UST: variants seen among roughly 807,000 people sequenced by gnomAD.
UST encodes uronyl 2-sulfotransferase.
Under a neutral mutation model 45.6 loss-of-function variants are expected in UST, and 21 were observed. That is an observed-to-expected ratio of 0.46 (90% CI 0.33 to 0.66). UST has a LOEUF of 0.66. UST is among the 30% of genes least tolerant of loss of function. The pLI, the probability that UST is intolerant of heterozygous loss-of-function variation, is 0.02. For missense variants in UST, 463 were observed against 512.4 expected (o/e 0.90, Z 0.93); for synonymous variants, 215 against 200.6 (o/e 1.07, Z -0.61).
At chr6:148,818,830 A>C (rs1248038255) in intron 1 of UST, among the ~76,000 whole-genome samples, 2 of 152,140 alleles carry the variant, frequency 1.3e-5, no homozygotes, top group Non-Finnish European at 2.9e-5. Flanking sequence ...TTGTGTCTGA[A>C]CTTCATACAC....
chr6:148,958,134 T>C (rs896227267), intron 4 of UST, among the ~76,000 whole-genome samples: 1 of 152,234 alleles, frequency 6.6e-6, no homozygotes, highest in Non-Finnish European at 1.5e-5. Context: ...TTGAGTCATG[T>C]ACAATGCGAT....
chr6:149,006,004 CT>C (rs1775677514), intron 5 of UST, among the ~76,000 whole-genome samples: 1 of 152,204 alleles, frequency 6.6e-6, no homozygotes, highest in Admixed American at 6.5e-5. Context: ...GTCCTTGTAA[CT>C]AACTGAAAAC....
At chr6:148,972,540 C>A (rs1002032020) in intron 5 of UST, among the ~76,000 whole-genome samples, 1 of 152,236 alleles carries the variant, frequency 6.6e-6, no homozygotes, top group African/African-American at 2.4e-5. Flanking sequence ...CTGATGGCTG[C>A]CAAGGCAGGT....
chr6:148,943,427 C>G (rs1056441673), intron 3 of UST, among the ~76,000 whole-genome samples: 3 of 152,178 alleles, frequency 2.0e-5, no homozygotes, highest in African/African-American at 7.2e-5. Flanking sequence ...AGAGATCAAC[C>G]TAGTTTGTTT....
intron 5 of UST, among the ~76,000 whole-genome samples, chr6:148,973,190 A>G (rs1780953571): frequency 6.6e-6 from 1 of 152,128 alleles, no homozygotes; most frequent in Non-Finnish European, 1.5e-5. Flanking sequence ...TGAATATTCT[A>G]TAAATGTCTT....
At position 149,012,069 on chromosome 6, in the gene UST, G is replaced by A. The variant is rs552356648; in HGVS notation, c.682-7070G>A. On this transcript the variant is annotated intron_variant, in intron 5 of 7. Coordinates refer to ENST00000367463, the MANE Select transcript of UST (RefSeq NM_005715.3). ...CCACAGATATTAAATATCCAACATC[G>A]CAAGCTGTGCTTACAACAGGGAGAG... Among the ~76,000 whole-genome samples, 12 of 152,270 alleles carry A rather than the reference G, an allele frequency of 7.9e-5. No homozygotes were observed. The South Asian group carries it at 1.0e-3, about 13-fold the overall frequency.
Position 148,747,301 on chromosome 6 carries a change from C to A in UST, c.-130C>A. 8.5e-7 allele frequency: 1 copy of A among 1,183,092 alleles called. No individual in the cohort carries two copies. The highest frequency in any genetic ancestry group is 2.6e-5 in the South Asian group (1 of 37,984). The allele number at this position is 1,183,092 out of a possible 1,614,324, so 73.3% of individuals were successfully genotyped here. A position where few individuals can be genotyped will look rare whatever the true frequency, so the allele number is the denominator to read the frequency against. ...CTGAGCCCGGCAACTTCGGCCCCTCCCCGCCCCCACCCGGCTGCCCTCCGC... is the reference window on the plus strand; with the variant it reads ...CTGAGCCCGGCAACTTCGGCCCCTCACCGCCCCCACCCGGCTGCCCTCCGC... On this transcript the variant is annotated 5_prime_UTR_variant, in exon 1 of 8. Transcript: ENST00000367463.
At chr6:148,947,112 G>A (rs949614858) in intron 3 of UST, among the ~76,000 whole-genome samples, 11 of 151,984 alleles carry the variant, frequency 7.2e-5, no homozygotes, top group Non-Finnish European at 7.4e-5. Context: ...AAAGCAAACG[G>A]GGGTCAAATC....
intron 1 of UST, among the ~76,000 whole-genome samples, chr6:148,799,361 T>G (rs958660549): frequency 6.6e-6 from 1 of 152,182 alleles, no homozygotes; most frequent in Non-Finnish European, 1.5e-5. Context: ...AGCTCCCTGA[T>G]GGCCAAGGCA....
chr6:148,792,626 C>G, intron 1 of UST, among the ~76,000 whole-genome samples: 1 of 152,176 alleles, frequency 6.6e-6, no homozygotes, highest in Non-Finnish European at 1.5e-5. Flanking sequence ...ATGTGTGTCT[C>G]ATGTAGCTGG....
At chr6:148,974,256 C>T (rs1780973945) in intron 5 of UST, among the ~76,000 whole-genome samples, 2 of 151,846 alleles carry the variant, frequency 1.3e-5, no homozygotes, top group African/African-American at 4.8e-5. Flanking sequence ...TGGATAGAAA[C>T]AGGTATTATA....
At chr6:148,750,504 T>C (rs1025422942) in intron 1 of UST, among the ~76,000 whole-genome samples, 3 of 152,154 alleles carry the variant, frequency 2.0e-5, no homozygotes, top group African/African-American at 7.2e-5. Context: ...CAAAGAGTTA[T>C]GAAGGACACA....
chr6:148,887,164 A>G, intron 2 of UST, 135 bp downstream of exon 2: 1 of 711,988 alleles, frequency 1.4e-6, no homozygotes, highest in East Asian at 2.6e-5. Flanking sequence ...ATTGATGTTT[A>G]ACTTCTAACA....
chr6:148,926,497 G>A (rs1026700586), intron 2 of UST, among the ~76,000 whole-genome samples: 4 of 152,212 alleles, frequency 2.6e-5, no homozygotes, highest in South Asian at 2.1e-4. Flanking sequence ...TCTTATCTTC[G>A]TTCTCTGTCT....
chr6:148,849,420 G>A (rs1013636106), intron 1 of UST, among the ~76,000 whole-genome samples: 6 of 152,070 alleles, frequency 3.9e-5, no homozygotes, highest in African/African-American at 1.4e-4. Flanking sequence ...ATAGACATTT[G>A]GAAACTCCTT....
chr6:148,822,441 G>T (rs1292609178), intron 1 of UST, among the ~76,000 whole-genome samples: 3 of 152,032 alleles, frequency 2.0e-5, no homozygotes, highest in Admixed American at 6.6e-5. Flanking sequence ...TGATCCACTG[G>T]CCCTGACCCC....
intron 5 of UST, among the ~76,000 whole-genome samples, chr6:149,003,643 A>C (rs1781594084): frequency 1.3e-5 from 2 of 152,264 alleles, no homozygotes; most frequent in Non-Finnish European, 2.9e-5. Context: ...ATGTTTGTAC[A>C]AAACTGGGTT....
At chr6:148,892,482 A>C (rs188649702) in intron 2 of UST, among the ~76,000 whole-genome samples, 7 of 152,338 alleles carry the variant, frequency 4.6e-5, no homozygotes, top group African/African-American at 1.7e-4. Flanking sequence ...CAATAGTGAC[A>C]ATTTATTTCA....
In UST at chr6:148,983,796, T is replaced by G. The variant is rs1325091273; in HGVS notation, c.681+19233T>G. 2.0e-5 allele frequency among the ~76,000 whole-genome samples: 3 copies of G among 152,248 alleles called. No homozygotes were observed. The East Asian group carries it at 5.8e-4, about 29-fold the overall frequency. On this transcript the variant is annotated intron_variant, in intron 5 of 7. Coordinates refer to ENST00000367463, the MANE Select transcript of UST (RefSeq NM_005715.3). ...AATGTGTTGTTCACCAATCTACTTC[T>G]GAAGACAGCCTAGTGCAACCTCATT...
Sources: gnomAD v4.1 joint callset for allele counts (sites outside exome capture counted in the v4.1 genomes callset) on GRCh38, gnomAD v4.1.1 for gene constraint, MANE v1.5 for transcripts, NCBI Gene and HGNC (gene_info 2026-07-23, HGNC 2026-07-21) for gene names.